The following RALYL variants were observed in gnomAD, a reference collection of about 807,000 sequenced individuals.
RALYL encodes RNA-binding Raly-like protein.
In RALYL, 29 loss-of-function variants were observed where a neutral mutation model predicts 35.1. The observed-to-expected ratio is 0.83, with a 90% confidence interval of 0.61 to 1.13. The LOEUF (loss-of-function observed/expected upper bound fraction) is 1.13. RALYL is among the 50% of genes most tolerant of loss of function. The pLI, the probability that RALYL is intolerant of heterozygous loss-of-function variation, is 0.00. For synonymous variants in RALYL, 120 were observed against 127.6 expected (o/e 0.94, Z 0.40); for missense variants, 359 against 360.4 (o/e 1.00, Z 0.03).
At chr8:84,403,276 G>A (rs1400642679) in intron 1 of RALYL, among the ~76,000 whole-genome samples, 1 of 151,828 alleles carries the variant, frequency 6.6e-6, no homozygotes, top group Admixed American at 6.6e-5. Flanking sequence ...TTTCTTCTAG[G>A]GTTTTTATGG....
intron 1 of RALYL, among the ~76,000 whole-genome samples, chr8:84,242,624 G>A (rs1215806527): frequency 2.0e-5 from 3 of 152,174 alleles, no homozygotes; most frequent in Non-Finnish European, 4.4e-5. Flanking sequence ...TTGGCTGCAT[G>A]AATGTCTTCT....
chr8:84,760,500 G>A (rs2718986), intron 2 of RALYL, among the ~76,000 whole-genome samples: 34,901 of 151,864 alleles, frequency 0.23, 4,238 homozygotes, highest in Non-Finnish European at 0.25. Context: ...ATCTGATATT[G>A]AGACGAAAAG....
chr8:84,236,675 C>A (rs1826637842), intron 1 of RALYL, among the ~76,000 whole-genome samples: 1 of 152,136 alleles, frequency 6.6e-6, no homozygotes, highest in African/African-American at 2.4e-5. Context: ...ATTGTAAGGG[C>A]TGTGGCTTTC....
chr8:84,254,746 G>GAAAA (rs10675428), intron 1 of RALYL, among the ~76,000 whole-genome samples: 3,994 of 126,452 alleles, frequency 0.032, 127 homozygotes, highest in East Asian at 0.072. Context: ...GGTAATTTAT[G>GAAAA]AAAAAAAAAA....
chr8:84,742,429 C>T (rs1807592703), intron 2 of RALYL, among the ~76,000 whole-genome samples: 1 of 151,892 alleles, frequency 6.6e-6, no homozygotes, highest in African/African-American at 2.4e-5. Context: ...TCTGTATAAT[C>T]ATGGAAGTTA....
At chr8:84,357,564 A>G (rs1466989209) in intron 1 of RALYL, among the ~76,000 whole-genome samples, 1 of 151,906 alleles carries the variant, frequency 6.6e-6, no homozygotes, top group African/African-American at 2.4e-5. Flanking sequence ...TTCAAAGTGA[A>G]TTAAGAAACA....
intron 1 of RALYL, among the ~76,000 whole-genome samples, chr8:84,358,234 T>G (rs147846785): frequency 6.6e-6 from 1 of 152,046 alleles, no homozygotes. Context: ...GTCATGGTCA[T>G]AAAATTTCTT....
At chr8:84,306,308 T>C (rs1237935890) in intron 1 of RALYL, among the ~76,000 whole-genome samples, 1 of 152,196 alleles carries the variant, frequency 6.6e-6, no homozygotes, top group Admixed American at 6.5e-5. Context: ...TGGGGGATGC[T>C]TGTACATGAT....
chr8:84,685,813 A>G (rs1357899233), intron 2 of RALYL, among the ~76,000 whole-genome samples: 1 of 152,192 alleles, frequency 6.6e-6, no homozygotes, highest in Non-Finnish European at 1.5e-5. Context: ...ACATGATACA[A>G]TAATGTGGGT....
intron 1 of RALYL, among the ~76,000 whole-genome samples, chr8:84,427,016 T>C (rs1035701761): frequency 4.6e-5 from 7 of 152,160 alleles, no homozygotes; most frequent in Non-Finnish European, 8.8e-5. Flanking sequence ...CATTGTAGTG[T>C]TATTTAAAAA....
At chr8:84,343,853 C>T (rs1040200359) in intron 1 of RALYL, among the ~76,000 whole-genome samples, 4 of 149,574 alleles carry the variant, frequency 2.7e-5, no homozygotes, top group East Asian at 3.9e-4. Context: ...TGGTCTTGAA[C>T]TCCTGAGCTC....
At chr8:84,275,922 G>A (rs1835280289) in intron 1 of RALYL, among the ~76,000 whole-genome samples, 1 of 151,762 alleles carries the variant, frequency 6.6e-6, no homozygotes, top group South Asian at 2.1e-4. Flanking sequence ...ATTCTATAAT[G>A]CAAAAATTAA....
At chr8:84,585,641 T>C (rs369917068) in intron 2 of RALYL, among the ~76,000 whole-genome samples, 3 of 152,292 alleles carry the variant, frequency 2.0e-5, no homozygotes, top group East Asian at 3.9e-4. Context: ...TTAAACAACA[T>C]AGGCAAAATA....
intron 2 of RALYL, among the ~76,000 whole-genome samples, chr8:84,601,443 T>A (rs1409480047): frequency 6.6e-6 from 1 of 152,042 alleles, no homozygotes; most frequent in Non-Finnish European, 1.5e-5. Context: ...AAACTAAACA[T>A]CCACTTTCTC....
At position 84,804,060 on chromosome 8, in the gene RALYL, T is replaced by TA. The variant is rs1210655260; in HGVS notation, c.333-702dup. On this transcript the variant is annotated intron_variant, in intron 3 of 8. Transcript: ENST00000521268. ...GCTTTCCTGATTTACTTACATGTTG[T>TA]AAAAAAAATGGAAAGTTAATTTATG... is the stretch of plus-strand genomic sequence containing the variant. 7.9e-5 allele frequency among the ~76,000 whole-genome samples: 12 copies of TA among 152,054 alleles called. No individual in the cohort carries two copies. In the South Asian group the frequency reaches 1.2e-3, roughly 16 times the overall value.
At chr8:84,674,208 T>A (rs939147412) in intron 2 of RALYL, among the ~76,000 whole-genome samples, 4 of 152,176 alleles carry the variant, frequency 2.6e-5, no homozygotes, top group Non-Finnish European at 5.9e-5. Flanking sequence ...TGCTAGTAAT[T>A]TTTTCACATT....
intron 1 of RALYL, among the ~76,000 whole-genome samples, chr8:84,291,420 C>T (rs1838751055): frequency 6.6e-6 from 1 of 152,034 alleles, no homozygotes; most frequent in Non-Finnish European, 1.5e-5. Context: ...AATAAATGGG[C>T]ATTTAGAAAA....
At chr8:84,425,871 A>G (rs1159405600) in intron 1 of RALYL, among the ~76,000 whole-genome samples, 3 of 150,560 alleles carry the variant, frequency 2.0e-5, no homozygotes, top group Non-Finnish European at 4.4e-5. Flanking sequence ...TGAGGTGAGA[A>G]TTTAACTGGG....
At chr8:84,489,899 A>C (rs2055072103) in intron 1 of RALYL, among the ~76,000 whole-genome samples, 1 of 152,084 alleles carries the variant, frequency 6.6e-6, no homozygotes, top group Non-Finnish European at 1.5e-5. Context: ...TTTTGTTTTA[A>C]AGTGTCAAGA....
Sources: allele counts gnomAD v4.1 joint callset (sites outside exome capture counted in the v4.1 genomes callset), GRCh38; gene constraint gnomAD v4.1.1; transcripts MANE v1.5; gene names NCBI Gene and HGNC (gene_info 2026-07-23, HGNC 2026-07-21).